The following BIRC6 variants were observed in gnomAD, a reference collection of about 807,000 sequenced individuals.
BIRC6 encodes baculoviral IAP repeat containing 6.
BIRC6 carries 98 observed loss-of-function variants against 503.3 expected under a neutral mutation model. The observed-to-expected ratio is 0.19, with a 90% CI of 0.17 to 0.23. BIRC6 has a LOEUF of 0.23. Among genes scored for constraint, BIRC6 ranks in the 10% least tolerant of loss-of-function variants. BIRC6 has a pLI of 1.00. For synonymous variants in BIRC6, 2,240 were observed against 2,078.7 expected, an observed-to-expected ratio of 1.08 and a Z score of -2.11; for missense variants, 5,360 against 5,806.0, an observed-to-expected ratio of 0.92 and a Z score of 2.50.
chr2:32,574,474 G>C (rs1312348022), intron 65 of BIRC6: 2 of 152,246 alleles, frequency 1.3e-5, no homozygotes, highest in Admixed American at 1.3e-4. Flanking sequence ...ACTGTTGACT[G>C]GAAGCCTTAC....
At chr2:32,545,477 T>G (rs2057994166) in intron 62 of BIRC6, among the ~76,000 whole-genome samples, 166 bp from the exon 63 acceptor site, 1 of 152,246 alleles carries the variant, frequency 6.6e-6, no homozygotes, top group South Asian at 2.1e-4. Flanking sequence ...TTATTCGTTA[T>G]TAAATTTTAA....
chr2:32,442,434 G>A lies in BIRC6; in HGVS notation c.4217G>A (p.Arg1406Gln). The change falls in exon 19 of 74, where the codon CGA (arginine) becomes CAA (glutamine). Residue 1406 changes from arginine to glutamine, a missense_variant. Physicochemically the swap from Arg to Gln is conservative, Grantham distance 43. This residue lies in a region of BIRC6 where 2,299 missense variants were observed against 2,267.2 expected (regional missense o/e 1.01). Transcript: ENST00000421745. The part of the protein sequence containing the change: ...AGRSIAHKCA[R>Q]FLALCISNGK... ...CGAAGTATAGCCCATAAGTGTGCCC[G>A]ATTTCTAGCCTTGTGCATTAGGTTG... The A allele has an allele frequency of 5.6e-6, 9 of 1,607,138 alleles. No individual in the cohort carries two copies. Among genetic ancestry groups the A allele is most frequent in the East Asian group, 2.2e-5 (1 of 44,780 alleles).
intron 65 of BIRC6, chr2:32,557,538 T>C (rs1259265288): frequency 6.6e-6 from 1 of 152,220 alleles, no homozygotes; most frequent in East Asian, 1.9e-4. Flanking sequence ...GTTATAATTT[T>C]ATTCCTCAAA....
intron 61 of BIRC6, chr2:32,532,168 T>TGTGTGTGTGTGG (rs747473373): frequency 5.6e-6 from 3 of 531,674 alleles, no homozygotes; most frequent in Non-Finnish European, 7.7e-6. Context: ...TGTGTGTGTG[T>TGTGTGTGTGTGG]GTGGTTATTT....
At chr2:32,502,319 T>C (rs1446790766) in intron 47 of BIRC6, among the ~76,000 whole-genome samples, 1 of 152,148 alleles carries the variant, frequency 6.6e-6, no homozygotes, top group Non-Finnish European at 1.5e-5. Flanking sequence ...GGTTACAAAA[T>C]TTTTCCTTTT....
Position 32,440,751 on chromosome 2 carries a change from T to TTTATTATTA in BIRC6, c.3811-557_3811-549dup, listed in dbSNP as rs769945864. On this transcript the variant is annotated intron_variant, in intron 16 of 73. Transcript: ENST00000421745. ...TATTTTATTTTATTGTGTTTATTTA[T>TTTATTATTA]TTATTATTATTATTATTATTATTAT... is the stretch of plus-strand genomic sequence containing the variant. Among the ~76,000 whole-genome samples the TTTATTATTA allele has an allele frequency of 5.8e-3, 847 of 147,176 alleles. 12 individuals are homozygous for TTTATTATTA. Among genetic ancestry groups the TTTATTATTA allele is most frequent in the African/African-American group, 0.019 (744 of 39,548 alleles).
At chr2:32,591,273 A>G (rs1470729405) in intron 66 of BIRC6, among the ~76,000 whole-genome samples, 2 of 152,212 alleles carry the variant, frequency 1.3e-5, no homozygotes, top group Admixed American at 6.5e-5. Flanking sequence ...TATGAAATAT[A>G]TATCATTTCT....
At chr2:32,390,308 C>G (rs1044475639) in intron 4 of BIRC6, among the ~76,000 whole-genome samples, 1 of 152,144 alleles carries the variant, frequency 6.6e-6, no homozygotes, top group Admixed American at 6.5e-5. Context: ...GTAGCTGTGA[C>G]TACAGGTGCC....
chr2:32,437,597 T>C (rs1204979934), intron 15 of BIRC6, among the ~76,000 whole-genome samples: 1 of 152,222 alleles, frequency 6.6e-6, no homozygotes, highest in Non-Finnish European at 1.5e-5. Context: ...GTTTCAGATT[T>C]CAGATTCTTT....
At chr2:32,401,995 C>T (rs1042462489) in intron 8 of BIRC6, among the ~76,000 whole-genome samples, 4 of 152,116 alleles carry the variant, frequency 2.6e-5, no homozygotes, top group South Asian at 2.1e-4. Flanking sequence ...TTTCAGTTTC[C>T]GTTTTTTCAT....
intron 21 of BIRC6, among the ~76,000 whole-genome samples, chr2:32,446,762 T>G (rs913979610): frequency 2.2e-5 from 3 of 139,210 alleles, no homozygotes; most frequent in African/African-American, 5.3e-5. Context: ...TTTTTTTTTT[T>G]TTTTTTTTTA....
intron 1 of BIRC6, among the ~76,000 whole-genome samples, chr2:32,374,238 A>T (rs948343478): frequency 6.6e-6 from 1 of 152,088 alleles, no homozygotes; most frequent in African/African-American, 2.4e-5. Context: ...GGCCATGTTT[A>T]TATAGTCATA....
At chr2:32,419,354 A>G (rs1227124978) in intron 10 of BIRC6, among the ~76,000 whole-genome samples, 1 of 152,192 alleles carries the variant, frequency 6.6e-6, no homozygotes, top group African/African-American at 2.4e-5. Context: ...AGTTAATTTT[A>G]TATAGGATTA....
intron 3 of BIRC6, among the ~76,000 whole-genome samples, chr2:32,386,343 A>G (rs1209878147): frequency 6.6e-6 from 1 of 152,140 alleles, no homozygotes; most frequent in African/African-American, 2.4e-5. Flanking sequence ...TCGCCACCTG[A>G]TAGTTTACCA....
chr2:32,598,684 C>A (rs2061836683), intron 69 of BIRC6, among the ~76,000 whole-genome samples: 1 of 152,144 alleles, frequency 6.6e-6, no homozygotes, highest in Non-Finnish European at 1.5e-5. Flanking sequence ...AGATACGCAG[C>A]TAAAACTATT....
intron 5 of BIRC6, among the ~76,000 whole-genome samples, chr2:32,393,873 G>A (rs1028232639): frequency 6.6e-6 from 1 of 151,860 alleles, no homozygotes; most frequent in Non-Finnish European, 1.5e-5. Flanking sequence ...CTGTCATTTA[G>A]AATCTGAAGA....
At chr2:32,616,793 A>T (rs1426122220) in intron 73 of BIRC6, among the ~76,000 whole-genome samples, 3 of 152,056 alleles carry the variant, frequency 2.0e-5, no homozygotes, top group African/African-American at 7.2e-5. Flanking sequence ...AAATCAAGGG[A>T]TTACGGTGTT....
At chr2:32,482,928 T>C (rs2050572178) in intron 39 of BIRC6, among the ~76,000 whole-genome samples, 1 of 151,974 alleles carries the variant, frequency 6.6e-6, no homozygotes, top group African/African-American at 2.4e-5. Context: ...CAGTTTTTTT[T>C]TTTTTTTGAG....
intron 23 of BIRC6, among the ~76,000 whole-genome samples, chr2:32,460,948 T>C (rs2047825431): frequency 1.3e-5 from 2 of 151,778 alleles, no homozygotes; most frequent in South Asian, 4.2e-4. Flanking sequence ...GATGATTTTA[T>C]TTTGGGACTA....
Sources: gnomAD v4.1 joint callset for allele counts (sites outside exome capture counted in the v4.1 genomes callset) on GRCh38, gnomAD v4.1.1 for gene constraint, gnomAD v4.1.1 regional missense constraint, MANE v1.5 for transcripts, NCBI Gene and HGNC (gene_info 2026-07-23, HGNC 2026-07-21) for gene names.